The following UNC5C variants were observed in gnomAD, a reference collection of about 807,000 sequenced individuals.
The protein encoded by UNC5C is unc-5 netrin receptor C.
A neutral mutation model predicts 99.8 loss-of-function variants in UNC5C; 47 were observed. The observed-to-expected ratio is 0.47, with a 90% CI of 0.37 to 0.60. UNC5C has a LOEUF of 0.60. UNC5C is among the 20% of genes least tolerant of loss of function. The probability of loss-of-function intolerance (pLI) is 0.00; values close to 1 mark genes in which losing one functional copy is unlikely to be tolerated. For missense variants in UNC5C, 1,062 were observed against 1,165.9 expected (o/e 0.91, Z 1.30); for synonymous variants, 487 against 452.2 (o/e 1.08, Z -0.98).
At chr4:95,216,787 A>G (rs1000697568) in intron 9 of UNC5C, among the ~76,000 whole-genome samples, 1 of 152,222 alleles carries the variant, frequency 6.6e-6, no homozygotes, top group Non-Finnish European at 1.5e-5. Flanking sequence ...TGGCAGAACT[A>G]TTAGATTGGG....
rs537977733 is a variant in UNC5C, at chr4:95,194,268, G to A, written c.2136+8463C>T. On this transcript the variant is annotated intron_variant, in intron 12 of 15. Transcript: ENST00000453304. Reference sequence around the variant, plus strand: ...TATGTATTAGGAACAGGACTTTGTAGGTTTTTCTAGGACTTTTGAAGTCAT... The same window carrying A: ...TATGTATTAGGAACAGGACTTTGTAAGTTTTTCTAGGACTTTTGAAGTCAT... Among the ~76,000 whole-genome samples, 427 of 152,222 alleles carry A rather than the reference G, an allele frequency of 2.8e-3. 4 individuals carry two copies. Among genetic ancestry groups the A allele is most frequent in the African/African-American group, 9.7e-3 (401 of 41,530 alleles).
intron 1 of UNC5C, among the ~76,000 whole-genome samples, chr4:95,460,606 C>G (rs969105906): frequency 1.3e-5 from 2 of 152,176 alleles, no homozygotes; most frequent in African/African-American, 4.8e-5. Flanking sequence ...GTAAGTCATG[C>G]CTTTTGTCTT....
intron 1 of UNC5C, among the ~76,000 whole-genome samples, chr4:95,523,516 C>T (rs1722412988): frequency 6.6e-6 from 1 of 152,004 alleles, no homozygotes; most frequent in Non-Finnish European, 1.5e-5. Context: ...CGTGTCTATG[C>T]AACTGATTAG....
chr4:95,495,534 C>T (rs906172749), intron 1 of UNC5C, among the ~76,000 whole-genome samples: 2 of 151,616 alleles, frequency 1.3e-5, no homozygotes, highest in African/African-American at 4.8e-5. Context: ...ATGTACTTAA[C>T]ATCATAAAGA....
In UNC5C at chr4:95,548,885, G is replaced by T; in HGVS notation, c.-28C>A. The T allele has an allele frequency of 6.2e-7, 1 of 1,610,946 alleles. No homozygotes were observed. The highest frequency in any genetic ancestry group is 1.1e-5 in the South Asian group (1 of 90,924). On this transcript the variant is annotated 5_prime_UTR_variant, in exon 1 of 16. Transcript: ENST00000453304. ...TAGACAGAGGTGTGCCGGGGGGAGGGGAGGGGGACAGAGAGACGCGCAAAC... is the reference window on the plus strand; with the variant it reads ...TAGACAGAGGTGTGCCGGGGGGAGGTGAGGGGGACAGAGAGACGCGCAAAC...
intron 1 of UNC5C, among the ~76,000 whole-genome samples, chr4:95,452,460 G>T (rs1349314722): frequency 6.6e-6 from 1 of 152,092 alleles, no homozygotes; most frequent in Non-Finnish European, 1.5e-5. Flanking sequence ...TTCACCAGGG[G>T]ACAGTTCCAC....
rs1735801973 is a variant in UNC5C at position 95,164,851 on chromosome 4, C to T, written c.*4383G>A. ...AGCTAAGACTCATTCAACTTGAAGG[C>T]TTGAAAACCCAACAAGTAAACCTTT... On this transcript the variant is annotated 3_prime_UTR_variant, in exon 16 of 16. Coordinates refer to ENST00000453304, the MANE Select transcript of UNC5C (RefSeq NM_003728.4). 6.6e-6 allele frequency: 1 copy of T among 152,268 alleles called. No individual in the cohort carries two copies. The highest frequency in any genetic ancestry group is 6.5e-5 in the Admixed American group (1 of 15,288). 9.4% of individuals were successfully genotyped at this position (152,268 alleles called of 1,614,324 possible). A position where few individuals can be genotyped will look rare whatever the true frequency, so the allele number is the denominator to read the frequency against.
intron 1 of UNC5C, among the ~76,000 whole-genome samples, chr4:95,400,384 CTTT>C (rs1171870515): frequency 0.016 from 1,030 of 65,558 alleles, 2 homozygotes; most frequent in South Asian, 0.045. Context: ...GAGATGAATT[CTTT>C]TTTTTTTTTT....
At position 95,265,681 on chromosome 4, in the gene UNC5C, T is replaced by C. The variant is rs1389064378; in HGVS notation, c.594+12578A>G. On this transcript the variant is annotated intron_variant, in intron 4 of 15. Transcript: ENST00000453304. ...AGATCACACAGACAATTTGTGTCAT[T>C]ATAATGAACCAAATTTTGAAAACAT... Among the ~76,000 whole-genome samples, 4 of 152,222 alleles carry C rather than the reference T, an allele frequency of 2.6e-5. No individual in the cohort carries two copies. In the South Asian group the frequency reaches 6.2e-4, roughly 24 times the overall value.
intron 1 of UNC5C, among the ~76,000 whole-genome samples, chr4:95,398,832 T>C (rs966892159): frequency 1.3e-5 from 2 of 152,196 alleles, no homozygotes; most frequent in African/African-American, 4.8e-5. Flanking sequence ...TTTTTCTGCC[T>C]ACAGTGAATT....
chr4:95,522,601 T>C (rs1722388917), intron 1 of UNC5C, among the ~76,000 whole-genome samples: 1 of 152,144 alleles, frequency 6.6e-6, no homozygotes. Context: ...AAAGAAAGTA[T>C]CCTGACTTTT....
chr4:95,194,021 A>G (rs9991660), intron 12 of UNC5C, among the ~76,000 whole-genome samples: 3,887 of 152,234 alleles, frequency 0.026, 168 homozygotes, highest in African/African-American at 0.088. Context: ...CCCATCTGCA[A>G]ACATCTCCCC....
chr4:95,219,925 T>C (rs900142497), intron 8 of UNC5C, 60 bp downstream of exon 8: 9 of 1,544,718 alleles, frequency 5.8e-6, no homozygotes, highest in African/African-American at 2.7e-5. Context: ...TCTAAAGTCA[T>C]TGATTTTGAA....
chr4:95,481,886 A>G (rs111770893), intron 1 of UNC5C, among the ~76,000 whole-genome samples: 63,800 of 151,182 alleles, frequency 0.42, 13,734 homozygotes, highest in Non-Finnish European at 0.46. Flanking sequence ...TTCAATGTTA[A>G]ACCTAAAACC....
chr4:95,221,862 T>C (rs986099920), intron 7 of UNC5C, among the ~76,000 whole-genome samples: 5 of 152,218 alleles, frequency 3.3e-5, no homozygotes, highest in Non-Finnish European at 7.3e-5. Flanking sequence ...TAGTTACTTA[T>C]TCAACATTCA....
At chr4:95,313,107 A>G (rs1416565546) in intron 2 of UNC5C, among the ~76,000 whole-genome samples, 3 of 152,178 alleles carry the variant, frequency 2.0e-5, no homozygotes, top group African/African-American at 7.2e-5. Context: ...ATTTAGAGAA[A>G]GGAATCAAAG....
intron 2 of UNC5C, among the ~76,000 whole-genome samples, chr4:95,312,827 G>A (rs1303601834): frequency 1.3e-5 from 2 of 152,154 alleles, no homozygotes; most frequent in African/African-American, 4.8e-5. Flanking sequence ...AGTCTGTTTA[G>A]TACAGATTAG....
In UNC5C at chr4:95,379,980, A is replaced by G. The variant is rs1423258211; in HGVS notation, c.125-44349T>C. Among the ~76,000 whole-genome samples, 5 of 152,140 alleles carry G rather than the reference A, an allele frequency of 3.3e-5. No individual in the cohort carries two copies. In the East Asian group the frequency reaches 7.7e-4, roughly 23 times the overall value. On this transcript the variant is annotated intron_variant, in intron 1 of 15. Coordinates refer to ENST00000453304, the MANE Select transcript of UNC5C (RefSeq NM_003728.4). ...GGCTGCATGACGTAAAATGATACCTATTATTGCAGCATTTGTTTCATTGAT... is the reference window on the plus strand; with the variant it reads ...GGCTGCATGACGTAAAATGATACCTGTTATTGCAGCATTTGTTTCATTGAT...
chr4:95,312,908 A>T (rs1292636242), intron 2 of UNC5C, among the ~76,000 whole-genome samples: 6 of 152,156 alleles, frequency 3.9e-5, no homozygotes, highest in Non-Finnish European at 1.5e-5. Flanking sequence ...TCACCTCATC[A>T]TGGCTCTCAG....
Sources: gnomAD v4.1 joint callset for allele counts (sites outside exome capture counted in the v4.1 genomes callset) on GRCh38, gnomAD v4.1.1 for gene constraint, MANE v1.5 for transcripts, NCBI Gene and HGNC (gene_info 2026-07-23, HGNC 2026-07-21) for gene names.